The following TMEM87A variants were observed in gnomAD, a reference collection of about 807,000 sequenced individuals.
TMEM87A encodes the protein Golgi-pH regulating cation channel.
A neutral mutation model predicts 90.0 loss-of-function variants in TMEM87A; 50 were observed. The ratio of observed to expected loss-of-function variants is 0.56; its 90% CI spans 0.44 to 0.70. The LOEUF is 0.70. Ranked by LOEUF, TMEM87A falls within the 30% of genes least tolerant of loss-of-function variation. The pLI is 0.00. For missense variants in TMEM87A, 577 were observed against 660.5 expected, an observed-to-expected ratio of 0.87 and a Z score of 1.39; for synonymous variants, 226 against 226.7, an observed-to-expected ratio of 1.00 and a Z score of 0.03.
In TMEM87A at chr15:42,272,243, T is replaced by G. The variant is rs187458822; in HGVS notation, c.145-120A>C. 211 of 632,656 alleles carry G rather than the reference T, an allele frequency of 3.3e-4. No individual in the cohort carries two copies. In the African/African-American group the frequency reaches 3.4e-3, roughly 10 times the overall value. 39.2% of individuals were successfully genotyped at this position (632,656 alleles called of 1,614,324 possible). A position where few individuals can be genotyped will look rare whatever the true frequency, so the allele number is the denominator to read the frequency against. ...TTAAATCTTTATGGGACGTACCCCT[T>G]AATCAGTTCATTCCCTTTACTCACC... On this transcript the variant is annotated intron_variant, in intron 1 of 19. Coordinates refer to ENST00000389834, the MANE Select transcript of TMEM87A (RefSeq NM_015497.5).
At chr15:42,233,363 T>C in intron 10 of TMEM87A, 57 bp from the exon 11 acceptor site, 1 of 1,321,926 alleles carries the variant, frequency 7.6e-7, no homozygotes, top group Non-Finnish European at 1.1e-6. Context: ...CGAAACAAGC[T>C]AAGTAACAGG....
At position 42,273,412 on chromosome 15, in the gene TMEM87A, G is replaced by C. The variant is rs899673613; in HGVS notation, c.-14C>G. On this transcript the variant is annotated 5_prime_UTR_variant, in exon 1 of 20. Coordinates refer to ENST00000389834, the MANE Select transcript of TMEM87A (RefSeq NM_015497.5). Reference sequence around the variant, plus strand: ...AGCCGCCGCCATCTTCACAGCCGTGGAGTGCCTACCGAAAGCATTTCACCC... The same window carrying C: ...AGCCGCCGCCATCTTCACAGCCGTGCAGTGCCTACCGAAAGCATTTCACCC... The C allele has an allele frequency of 6.2e-7, 1 of 1,613,698 alleles. No individual in the cohort carries two copies. The highest frequency in any genetic ancestry group is 1.7e-5 in the Admixed American group (1 of 60,006).
intron 8 of TMEM87A, among the ~76,000 whole-genome samples, chr15:42,239,166 G>A (rs146556333): frequency 2.0e-5 from 3 of 152,194 alleles, no homozygotes; most frequent in African/African-American, 4.8e-5. Context: ...TTAGCCTCCC[G>A]AGTAGCTGGG....
intron 19 of TMEM87A, among the ~76,000 whole-genome samples, chr15:42,215,700 C>A (rs933001319): frequency 3.3e-5 from 5 of 152,084 alleles, no homozygotes; most frequent in African/African-American, 1.2e-4. Context: ...GGTGTCACGT[C>A]ACACCTGTTA....
intron 4 of TMEM87A, 82 bp downstream of exon 4, chr15:42,264,008 A>T: frequency 1.0e-6 from 1 of 990,534 alleles, no homozygotes; most frequent in Non-Finnish European, 1.6e-6. Context: ...ATACTTGAGA[A>T]GTCGGAAGTG....
At position 42,211,639 on chromosome 15, in the gene TMEM87A, A is replaced by G; in HGVS notation, c.*69T>C. 2 of 1,479,426 alleles carry G rather than the reference A, an allele frequency of 1.4e-6. No individual in the cohort carries two copies. The highest frequency in any genetic ancestry group is 1.2e-5 in the South Asian group (1 of 86,828). 91.6% of individuals were successfully genotyped at this position (1,479,426 alleles called of 1,614,324 possible). On this transcript the variant is annotated 3_prime_UTR_variant, in exon 20 of 20. Transcript: ENST00000389834. ...TTCCTTTAATCCCATGGAGCCGTAC[A>G]GAAGACTGACACAGATGCTGATCTC...
intron 19 of TMEM87A, among the ~76,000 whole-genome samples, chr15:42,216,399 GCCTTATGTATA>G (rs1258642521): frequency 6.6e-6 from 1 of 152,112 alleles, no homozygotes; most frequent in Non-Finnish European, 1.5e-5. Flanking sequence ...CCACAAAAAA[GCCTTATGTATA>G]CCTGGAAAAT....
chr15:42,227,819 C>G (rs2050623232), intron 13 of TMEM87A, 50 bp from the exon 14 acceptor site: 3 of 1,535,842 alleles, frequency 2.0e-6, no homozygotes, highest in Non-Finnish European at 9.0e-7. Flanking sequence ...GGTTTACATC[C>G]CCAATTACAT....
chr15:42,266,372 C>T (rs575792040), intron 3 of TMEM87A, among the ~76,000 whole-genome samples: 4 of 152,008 alleles, frequency 2.6e-5, no homozygotes, highest in South Asian at 2.1e-4. Flanking sequence ...AAAAATTAGC[C>T]GGGTGTGGTG....
intron 8 of TMEM87A, among the ~76,000 whole-genome samples, chr15:42,237,838 T>C (rs1350335822): frequency 1.3e-5 from 2 of 152,132 alleles, no homozygotes; most frequent in East Asian, 1.9e-4. Context: ...TGAATCAATA[T>C]ACAGTCTTAA....
chr15:42,257,869 A>G, intron 6 of TMEM87A: 1 of 974,378 alleles, frequency 1.0e-6, no homozygotes, highest in Non-Finnish European at 1.2e-6. Flanking sequence ...ACAATGGTAT[A>G]TAATATGATC....
At chr15:42,248,586 T>C (rs912466613) in intron 6 of TMEM87A, among the ~76,000 whole-genome samples, 6 of 152,220 alleles carry the variant, frequency 3.9e-5, no homozygotes, top group African/African-American at 1.4e-4. Context: ...GGATTACGTT[T>C]ATTGATTTGC....
At chr15:42,273,529 C>G, upstream of TMEM87A, 2 of 1,443,954 alleles carry the variant, frequency 1.4e-6, no homozygotes, top group Non-Finnish European at 1.8e-6. Context: ...TGCTGTGCGG[C>G]GTAGCGGCCC....
chr15:42,229,812 T>C (rs1678985), intron 12 of TMEM87A, among the ~76,000 whole-genome samples: 104,900 of 152,034 alleles, frequency 0.69, 40,051 homozygotes, highest in Non-Finnish European at 0.86. Flanking sequence ...AAAAATGGTA[T>C]CTGCTCTCAC....
chr15:42,229,062 G>C (rs910337184), intron 12 of TMEM87A, among the ~76,000 whole-genome samples: 1 of 151,952 alleles, frequency 6.6e-6, no homozygotes, highest in Non-Finnish European at 1.5e-5. Context: ...GAGTGCAGTG[G>C]CACAATCACG....
intron 17 of TMEM87A, 44 bp downstream of exon 17, chr15:42,219,537 A>T (rs1393411684): frequency 6.8e-7 from 1 of 1,472,480 alleles, no homozygotes; most frequent in East Asian, 2.3e-5. Flanking sequence ...TAAGGGTTGG[A>T]AGATGGGACA....
intron 10 of TMEM87A, among the ~76,000 whole-genome samples, chr15:42,234,671 A>T (rs570598327): frequency 1.3e-5 from 2 of 152,254 alleles, no homozygotes; most frequent in African/African-American, 4.8e-5. Flanking sequence ...TTAAAGCAAA[A>T]TTCCTTTAAA....
chr15:42,237,467 G>A lies in TMEM87A; in HGVS notation c.833C>T (p.Ala278Val), dbSNP rs149080105. 3.5e-4 allele frequency: 562 copies of A among 1,613,886 alleles called. No individual in the cohort carries two copies. The highest frequency in any genetic ancestry group is 8.2e-4 in the Middle Eastern group (5 of 6,062). The change falls in exon 9 of 20, where the codon GCG (alanine) becomes GTG (valine). Residue 278 changes from alanine (A) to valine (V), a missense_variant. Coordinates refer to ENST00000389834, the MANE Select transcript of TMEM87A (RefSeq NM_015497.5). ...TTTGTATCGGATATTCTGAAATTCCGCATAGAAGACAGCTTTCTCAAGCAT... is the reference window on the plus strand; with the variant it reads ...TTTGTATCGGATATTCTGAAATTCCACATAGAAGACAGCTTTCTCAAGCAT... ...LGMLEKAVFY[A>V]EFQNIRYKGE...
chr15:42,217,122 T>G (rs1021831030), intron 19 of TMEM87A, among the ~76,000 whole-genome samples: 2 of 151,918 alleles, frequency 1.3e-5, no homozygotes, highest in Admixed American at 6.6e-5. Context: ...TCCGGCTAAT[T>G]TTTGTATGTT....
Sources: allele counts gnomAD v4.1 joint callset (sites outside exome capture counted in the v4.1 genomes callset), GRCh38; gene constraint gnomAD v4.1.1; transcripts MANE v1.5; gene names NCBI Gene and HGNC (gene_info 2026-07-23, HGNC 2026-07-21).